Variants in CHD9 observed in about 807,000 individuals in gnomAD.
CHD9 encodes the protein chromodomain helicase DNA binding protein 9, also known as ATP-dependent chromatin remodeler CHD9.
A neutral mutation model predicts 316.1 loss-of-function variants in CHD9; 77 were observed. That is an observed-to-expected ratio of 0.24 (90% CI 0.20 to 0.29). The LOEUF is 0.29. Ranked by LOEUF, CHD9 falls within the 10% of genes least tolerant of loss-of-function variation. The pLI, the probability that CHD9 is intolerant of heterozygous loss-of-function variation, is 1.00. For synonymous variants in CHD9, 1,129 were observed against 1,158.3 expected, an observed-to-expected ratio of 0.97 and a Z score of 0.51; for missense variants, 2,763 against 3,438.1, an observed-to-expected ratio of 0.80 and a Z score of 4.91.
chr16:53,300,105 A>G (rs1567647964), intron 30 of CHD9, among the ~76,000 whole-genome samples: 1 of 152,148 alleles, frequency 6.6e-6, no homozygotes, highest in East Asian at 1.9e-4. Context: ...TGTAATCCCA[A>G]CACTTTGGGA....
rs1181316244 is a variant in CHD9, at chr16:53,157,534, A to G, written c.1445A>G (p.Gln482Arg). ...CATGACAGAAATCACCTATGTTTAC[A>G]GCGACAGGTATGTAGCTCTTTGCTT... ...HLHDRNHLCL[Q>R]RQPPSSKKSD... Residue 482 changes from glutamine (Q) to arginine (R), a missense_variant, in exon 2 of 39, where the codon CAG (glutamine) becomes CGG (arginine). Physicochemically the swap from Gln to Arg is conservative, Grantham distance 43. Around this residue, in one of 15 missense-constraint regions of CHD9, gnomAD observed 859 missense variants for 890.4 expected, o/e 0.96. Transcript: ENST00000447540. 6.2e-7 allele frequency: 1 copy of G among 1,610,632 alleles called. No individual in the cohort carries two copies. Among genetic ancestry groups the G allele is most frequent in the South Asian group, 1.1e-5 (1 of 90,900 alleles).
chr16:53,313,989 A>T (rs1392573998), intron 34 of CHD9, among the ~76,000 whole-genome samples: 1 of 152,054 alleles, frequency 6.6e-6, no homozygotes, highest in Non-Finnish European at 1.5e-5. Flanking sequence ...AGAATAATGT[A>T]GAAAAAGATA....
At position 53,156,779 on chromosome 16, in the gene CHD9, A is replaced by G. The variant is rs1481396893; in HGVS notation, c.690A>G (p.Gln230=). 12 of 1,613,686 alleles carry G rather than the reference A, an allele frequency of 7.4e-6. No individual in the cohort carries two copies. The highest frequency in any genetic ancestry group is 1.0e-5 in the Non-Finnish European group (12 of 1,179,884). The stretch of plus-strand genomic sequence containing the variant: ...CACAACAGTCTATTTCAATGCAGCA[A>G]TTTTCTCAAACGTCAAATCCTTCAG... ...SNSQQSISMQ[Q]FSQTSNPSAH... Residue 230 remains glutamine (Q), a synonymous_variant, in exon 2 of 39, where the codon CAA becomes CAG. Coordinates refer to ENST00000447540, the MANE Select transcript of CHD9 (RefSeq NM_001308319.2).
intron 24 of CHD9, among the ~76,000 whole-genome samples, chr16:53,283,928 T>G (rs1284575883): frequency 6.6e-6 from 1 of 152,164 alleles, no homozygotes; most frequent in Non-Finnish European, 1.5e-5. Flanking sequence ...TTTGTTTCCA[T>G]TTTTTTAATT....
chr16:53,118,062 C>T (rs1487466021), intron 1 of CHD9, among the ~76,000 whole-genome samples: 1 of 151,728 alleles, frequency 6.6e-6, no homozygotes, highest in East Asian at 2.0e-4. Flanking sequence ...CTCCTGACCT[C>T]ATGATCCACC....
intron 38 of CHD9, 90 bp downstream of exon 38, chr16:53,321,720 T>G (rs1022821439): frequency 3.1e-4 from 231 of 751,070 alleles, no homozygotes; most frequent in Admixed American, 1.0e-4. Context: ...TAATAAAATA[T>G]TCCATGAATT....
rs563418765 is a variant in CHD9, at chr16:53,281,583, C to T, written c.4968-4013C>T. ...AATCAGGTCTTGGCACTCCTTAACA[C>T]CCTCCAGATGTTTCTAATTTCTCTT... is the stretch of plus-strand genomic sequence containing the variant. On this transcript the variant is annotated intron_variant, in intron 24 of 38. Transcript: ENST00000447540. Among the ~76,000 whole-genome samples, 4 of 152,284 alleles carry T rather than the reference C, an allele frequency of 2.6e-5. No homozygotes were observed. The South Asian group carries it at 6.2e-4, about 24-fold the overall frequency.
intron 2 of CHD9, among the ~76,000 whole-genome samples, chr16:53,199,048 CAGAGTTA>C (rs1464136610): frequency 6.6e-6 from 1 of 150,898 alleles, no homozygotes; most frequent in African/African-American, 2.4e-5. Context: ...AAGCATTACT[CAGAGTTA>C]GCCAAACTGC....
At chr16:53,154,119 T>C (rs1240163294) in intron 1 of CHD9, among the ~76,000 whole-genome samples, 1 of 152,234 alleles carries the variant, frequency 6.6e-6, no homozygotes, top group Non-Finnish European at 1.5e-5. Flanking sequence ...GAATTCATAT[T>C]AATTTAATAT....
chr16:53,279,309 A>T (rs917276582), intron 24 of CHD9, among the ~76,000 whole-genome samples: 7 of 151,372 alleles, frequency 4.6e-5, no homozygotes, highest in South Asian at 4.2e-4. Flanking sequence ...GAATTGAACA[A>T]TGAGAACACT....
intron 1 of CHD9, among the ~76,000 whole-genome samples, chr16:53,066,565 G>A (rs1047033473): frequency 3.3e-5 from 5 of 152,246 alleles, no homozygotes; most frequent in East Asian, 1.9e-4. Flanking sequence ...GCTCCTGCCC[G>A]GTCTCACAGG....
chr16:53,103,300 T>C (rs2037057307), intron 1 of CHD9, among the ~76,000 whole-genome samples: 1 of 152,110 alleles, frequency 6.6e-6, no homozygotes, highest in African/African-American at 2.4e-5. Context: ...CCCAAAGTGC[T>C]GGGATTACAG....
intron 22 of CHD9, among the ~76,000 whole-genome samples, chr16:53,271,566 C>T (rs2052270266): frequency 6.8e-6 from 1 of 146,378 alleles, no homozygotes; most frequent in Non-Finnish European, 1.5e-5. Context: ...GAGACTCTGT[C>T]TCAGAAGAAA....
chr16:53,226,619 G>T, intron 5 of CHD9, 107 bp downstream of exon 5: 2 of 1,207,010 alleles, frequency 1.7e-6, no homozygotes, highest in Non-Finnish European at 2.3e-6. Context: ...TATCCTTCCG[G>T]ATTCCATATT....
At chr16:53,314,142 G>A (rs1488768078) in intron 34 of CHD9, among the ~76,000 whole-genome samples, 1 of 151,974 alleles carries the variant, frequency 6.6e-6, no homozygotes, top group Non-Finnish European at 1.5e-5. Flanking sequence ...AAGAGAAAAT[G>A]TGTGAATATC....
intron 1 of CHD9, among the ~76,000 whole-genome samples, chr16:53,142,171 C>A (rs982654824): frequency 2.0e-5 from 3 of 151,982 alleles, no homozygotes; most frequent in African/African-American, 4.8e-5. Context: ...CTTGGTAAGT[C>A]GACAAGGAAT....
intron 24 of CHD9, among the ~76,000 whole-genome samples, chr16:53,283,463 C>A (rs979493483): frequency 6.6e-6 from 1 of 152,170 alleles, no homozygotes; most frequent in East Asian, 1.9e-4. Flanking sequence ...TTGCCTTTTC[C>A]TCTTTACAAG....
intron 28 of CHD9, 101 bp from the exon 29 acceptor site, chr16:53,292,728 TCCCC>T: frequency 1.2e-6 from 1 of 813,582 alleles, no homozygotes; most frequent in Admixed American, 2.6e-5. Flanking sequence ...TGTTTTTTTT[TCCCC>T]ACATAGATTG....
chr16:53,063,839 T>G (rs571174223), intron 1 of CHD9, among the ~76,000 whole-genome samples: 39 of 151,238 alleles, frequency 2.6e-4, no homozygotes, highest in East Asian at 5.8e-4. Flanking sequence ...CCTTTTTTTT[T>G]TTTTTTTTTA....
Sources: allele counts gnomAD v4.1 joint callset (sites outside exome capture counted in the v4.1 genomes callset), GRCh38; gene constraint gnomAD v4.1.1; regional missense constraint gnomAD v4.1.1; transcripts MANE v1.5; gene names NCBI Gene and HGNC (gene_info 2026-07-23, HGNC 2026-07-21).